The following PRH1 variants were observed in gnomAD, a reference collection of about 807,000 sequenced individuals.
The protein encoded by PRH1 is proline rich protein HaeIII subfamily 1, also known as salivary acidic proline-rich phosphoprotein 1/2.
In PRH1, 7 loss-of-function variants were observed where a neutral mutation model predicts 7.9. The observed-to-expected ratio is 0.89, with a 90% CI of 0.50 to 1.67. The LOEUF is 1.67. Among genes scored for constraint, PRH1 ranks in the 40% most tolerant of loss-of-function variants. The pLI, the probability that PRH1 is intolerant of heterozygous loss-of-function variation, is 0.00. For synonymous variants in PRH1, 45 were observed against 80.8 expected (o/e 0.56, Z 2.38); for missense variants, 109 against 223.6 (o/e 0.49, Z 3.27).
At chr12:11,034,979 A>G (rs1206100649) in intron 1 of PRH1, 1 of 152,130 alleles carries the variant, frequency 6.6e-6, no homozygotes, top group Admixed American at 6.5e-5. Flanking sequence ...GATCTATTCT[A>G]CTTTTGAAAT....
chr12:11,170,189 T>C (rs1819152285), intron 1 of PRH1, among the ~76,000 whole-genome samples: 1 of 152,248 alleles, frequency 6.6e-6, no homozygotes, highest in African/African-American at 2.4e-5. Flanking sequence ...GTGCACCATT[T>C]AAATAACAAA....
intron 1 of PRH1, among the ~76,000 whole-genome samples, chr12:11,024,351 T>A (rs1434801450): frequency 6.6e-6 from 1 of 152,246 alleles, no homozygotes; most frequent in African/African-American, 2.4e-5. Flanking sequence ...GGAACATTGC[T>A]AAGAGCCTAA....
At chr12:10,907,875 T>C (rs1168797460) in intron 2 of PRH1, 1 of 152,290 alleles carries the variant, frequency 6.6e-6, no homozygotes, top group Non-Finnish European at 1.5e-5. Flanking sequence ...GTTACTCATA[T>C]TAAACTTTTT....
intron 2 of PRH1, among the ~76,000 whole-genome samples, chr12:10,969,341 G>C (rs143922526): frequency 0.012 from 1,901 of 152,180 alleles, 50 homozygotes; most frequent in African/African-American, 0.043. Context: ...AGGATGAGGG[G>C]TGGGGCAGGC....
chr12:10,935,682 AAAGT>A (rs1180605232), intron 2 of PRH1, among the ~76,000 whole-genome samples: 4 of 152,206 alleles, frequency 2.6e-5, no homozygotes, highest in Admixed American at 6.5e-5. Context: ...ATCTTACTCC[AAAGT>A]AAGTAAGTAT....
chr12:11,161,191 C>T (rs1026783131), intron 1 of PRH1, among the ~76,000 whole-genome samples: 1 of 152,178 alleles, frequency 6.6e-6, no homozygotes, highest in Non-Finnish European at 1.5e-5. Flanking sequence ...TGTTAAAGGT[C>T]ACCAAGTGAT....
At position 11,156,814 on chromosome 12, in the gene PRH1, T is replaced by C. The variant is rs543279635; in HGVS notation, n.39+14608A>G. ...AGAAAATACCAATAATTCTCTTCTT[T>C]TACCCACACTTTGGTCAAAGAAAAC... On this transcript the variant is annotated intron_variant and non_coding_transcript_variant, in intron 1 of 1. Transcript: ENST00000541175. Among the ~76,000 whole-genome samples, 4 of 151,952 alleles carry C rather than the reference T, an allele frequency of 2.6e-5. No individual in the cohort carries two copies. In the South Asian group the frequency reaches 8.3e-4, roughly 32 times the overall value.
intron 1 of PRH1, among the ~76,000 whole-genome samples, chr12:10,981,362 T>TG (rs1565518624): frequency 7.8e-6 from 1 of 128,766 alleles, no homozygotes; most frequent in East Asian, 2.3e-4. Flanking sequence ...TTTTTACTTC[T>TG]GGATTTTTTT....
intron 2 of PRH1, among the ~76,000 whole-genome samples, chr12:10,890,497 C>A (rs1949555547): frequency 6.6e-6 from 1 of 151,988 alleles, no homozygotes; most frequent in South Asian, 2.1e-4. Context: ...TTGTTAGAGG[C>A]TGTCACAGTA....
intron 1 of PRH1, among the ~76,000 whole-genome samples, chr12:11,027,492 T>A (rs867285372): frequency 1.4e-4 from 22 of 152,354 alleles, no homozygotes; most frequent in South Asian, 6.2e-4. Context: ...TATGGCATGT[T>A]GCTCTCTCTA....
At chr12:10,930,421 A>G (rs1329813317) in intron 2 of PRH1, 1 of 1,471,996 alleles carries the variant, frequency 6.8e-7, no homozygotes, top group Non-Finnish European at 9.3e-7. Context: ...AGTGCCCCAG[A>G]GATATAAACA....
chr12:10,973,977 T>TG (rs1172971184), intron 1 of PRH1, among the ~76,000 whole-genome samples: 2 of 151,960 alleles, frequency 1.3e-5, no homozygotes, highest in Non-Finnish European at 1.5e-5. Context: ...AAGAACAAAG[T>TG]GGGGGGATTA....
chr12:10,917,422 T>C (rs1245482997), intron 2 of PRH1, among the ~76,000 whole-genome samples: 2 of 152,334 alleles, frequency 1.3e-5, no homozygotes, highest in East Asian at 3.9e-4. Context: ...TTGTTGTTAA[T>C]TACATTAAAA....
intron 1 of PRH1, among the ~76,000 whole-genome samples, chr12:11,014,274 A>T (rs1482356185): frequency 6.6e-6 from 1 of 152,238 alleles, no homozygotes; most frequent in Admixed American, 6.5e-5. Flanking sequence ...TTAGAGACAA[A>T]AGAGAACTAG....
At chr12:11,135,131 T>C (rs1456948119) in intron 1 of PRH1, among the ~76,000 whole-genome samples, 7 of 152,136 alleles carry the variant, frequency 4.6e-5, no homozygotes, top group African/African-American at 1.7e-4. Context: ...ATATTTATTA[T>C]TTAATTAAAA....
intron 1 of PRH1, among the ~76,000 whole-genome samples, chr12:11,095,437 ACAT>A (rs200690918): frequency 0.021 from 1,053 of 49,118 alleles, 129 homozygotes; most frequent in South Asian, 0.038. Context: ...CCCCAACAAG[ACAT>A]TATTATTTTC....
rs1372358219 is a variant in PRH1, at chr12:11,096,053, T to G, written n.124-48865A>C. On this transcript the variant is annotated intron_variant and non_coding_transcript_variant, in intron 1 of 4. Transcript: ENST00000541977. ...TCTTTGATGTCCTGTCATTTTATGT[T>G]AATTTGGTTTTAGTTATCGTGTCTG... Among the ~76,000 whole-genome samples, 3 of 113,742 alleles carry G rather than the reference T, an allele frequency of 2.6e-5. 1 individual carries two copies. The highest frequency in any genetic ancestry group is 2.1e-5 in the Non-Finnish European group (1 of 48,428). 74.6% of individuals were successfully genotyped at this position (113,742 alleles called of 152,430 possible).
At position 10,947,525 on chromosome 12, in the gene PRH1, T is replaced by C. The variant is rs555766739; in HGVS notation, c.-59+26130A>G. ...ATTTATTTTGAGCCTATGAGTGTCA[T>C]TAAATTTGAGACGGGTCTCTTGAAG... On this transcript the variant is annotated intron_variant, in intron 2 of 3. Coordinates refer to the PRH1 transcript ENST00000539853. 5.4e-4 allele frequency among the ~76,000 whole-genome samples: 82 copies of C among 152,302 alleles called. 1 individual carries two copies. Among genetic ancestry groups the C allele is most frequent in the African/African-American group, 1.9e-3 (78 of 41,556 alleles).
chr12:10,942,543 G>T (rs1039433219), intron 2 of PRH1, among the ~76,000 whole-genome samples: 4 of 152,218 alleles, frequency 2.6e-5, no homozygotes, highest in Non-Finnish European at 5.9e-5. Flanking sequence ...CCAAAGGGCT[G>T]GTCTCACTCC....
Sources: gnomAD v4.1 joint callset for allele counts (sites outside exome capture counted in the v4.1 genomes callset) on GRCh38, gnomAD v4.1.1 for gene constraint, MANE v1.5 for transcripts, NCBI Gene and HGNC (gene_info 2026-07-23, HGNC 2026-07-21) for gene names.